Variants in EPB41L2 observed in about 807,000 individuals in gnomAD.
EPB41L2 encodes the protein band 4.1-like protein 2.
EPB41L2 carries 43 observed loss-of-function variants against 113.0 expected under a neutral mutation model. The observed-to-expected ratio is 0.38, with a 90% CI of 0.30 to 0.49. The LOEUF (loss-of-function observed/expected upper bound fraction) is 0.49. EPB41L2 is among the 20% of genes least tolerant of loss of function. The probability of loss-of-function intolerance (pLI) is 0.95; values close to 1 mark genes in which losing one functional copy is unlikely to be tolerated. For missense variants in EPB41L2, 1,147 were observed against 1,223.4 expected (o/e 0.94, Z 0.93); for synonymous variants, 442 against 436.7 (o/e 1.01, Z -0.15).
intron 3 of EPB41L2, among the ~76,000 whole-genome samples, chr6:130,927,613 T>A (rs1282067345): frequency 6.6e-6 from 1 of 152,204 alleles, no homozygotes; most frequent in Admixed American, 6.5e-5. Flanking sequence ...CCTCTCACTA[T>A]CAAAATGTGT....
chr6:130,865,549 G>A lies in EPB41L2; in HGVS notation c.2816C>T (p.Thr939Ile), dbSNP rs1783470094. 3 of 1,614,178 alleles carry A rather than the reference G, an allele frequency of 1.9e-6. No homozygotes were observed. The highest frequency in any genetic ancestry group is 2.5e-6 in the Non-Finnish European group (3 of 1,180,016). The change falls in exon 17 of 20, where the codon ACA (threonine) becomes ATA (isoleucine). Residue 939 changes from threonine (T) to isoleucine (I), a missense_variant. Thr to Ile is a moderately conservative substitution (Grantham distance 89). Transcript: ENST00000337057. ...GCATTGCTTTACCTTGGTGATGTGT[G>A]TGGTTGTCGTTGTTGACACGGACTC... ...TSESVSTTTT[T>I]HITKTVKGGI...
intron 19 of EPB41L2, among the ~76,000 whole-genome samples, chr6:130,841,221 CAAAAA>C (rs113100092): frequency 2.2e-5 from 3 of 139,024 alleles, no homozygotes; most frequent in Non-Finnish European, 4.7e-5. Flanking sequence ...TCTAATTGAC[CAAAAA>C]AAAAAAAAAA....
intron 3 of EPB41L2, among the ~76,000 whole-genome samples, chr6:130,954,040 C>CTTTT (rs780758511): frequency 0.014 from 839 of 58,842 alleles, 56 homozygotes; most frequent in Non-Finnish European, 0.019. Context: ...CCTTTTCTTT[C>CTTTT]TTTTTTTTTT....
chr6:130,865,426 G>A, intron 17 of EPB41L2, 110 bp downstream of exon 17: 2 of 1,060,314 alleles, frequency 1.9e-6, no homozygotes, highest in Non-Finnish European at 2.7e-6. Context: ...GATTCCGCTG[G>A]CACTGTCTGT....
Position 130,871,486 on chromosome 6 carries a change from T to C in EPB41L2, c.2044-1360A>G, listed in dbSNP as rs192503878. 1.5e-3 allele frequency among the ~76,000 whole-genome samples: 221 copies of C among 152,300 alleles called. 2 individuals are homozygous for C. Among genetic ancestry groups the C allele is most frequent in the Admixed American group, 0.012 (181 of 15,298 alleles). ...GTACTAACTGGACTGGAGCCTCTAA[T>C]AGACAGCAGGGCTGAGTTCATCTCT... On this transcript the variant is annotated intron_variant, in intron 14 of 19. Transcript: ENST00000337057.
intron 1 of EPB41L2, among the ~76,000 whole-genome samples, chr6:130,993,066 T>A (rs576308372): frequency 6.6e-6 from 1 of 152,206 alleles, no homozygotes; most frequent in Non-Finnish European, 1.5e-5. Context: ...ATACCAAAGA[T>A]AGCTCCTTAA....
chr6:131,022,813 AT>A (rs558937593), intron 1 of EPB41L2, among the ~76,000 whole-genome samples: 132 of 152,296 alleles, frequency 8.7e-4, no homozygotes, highest in African/African-American at 3.1e-3. Flanking sequence ...TTTTAAAAAT[AT>A]TTTTTAAATG....
chr6:131,026,826 G>T (rs776038715), intron 1 of EPB41L2, among the ~76,000 whole-genome samples: 47 of 152,078 alleles, frequency 3.1e-4, no homozygotes, highest in Non-Finnish European at 6.6e-4. Context: ...GCCCTCTACG[G>T]TATGTGCAAG....
intron 3 of EPB41L2, among the ~76,000 whole-genome samples, chr6:130,943,659 A>T (rs1021533857): frequency 6.6e-6 from 1 of 152,240 alleles, no homozygotes; most frequent in African/African-American, 2.4e-5. Context: ...CAAACAAAGT[A>T]ATCCCCTGGT....
chr6:130,906,936 T>G (rs1797909221), intron 5 of EPB41L2, among the ~76,000 whole-genome samples: 1 of 152,226 alleles, frequency 6.6e-6, no homozygotes, highest in Admixed American at 6.5e-5. Flanking sequence ...GTTACTCATA[T>G]TGCCAAACCA....
chr6:130,843,356 T>C (rs568669848), intron 19 of EPB41L2, among the ~76,000 whole-genome samples: 1 of 152,320 alleles, frequency 6.6e-6, no homozygotes, highest in South Asian at 2.1e-4. Flanking sequence ...ATTTATTACA[T>C]ATTCCAACCA....
At chr6:131,056,349 A>G (rs747248828) in intron 1 of EPB41L2, among the ~76,000 whole-genome samples, 1 of 152,238 alleles carries the variant, frequency 6.6e-6, no homozygotes, top group African/African-American at 2.4e-5. Flanking sequence ...AACATAACAA[A>G]AAAGACTACA....
At chr6:130,951,416 A>G (rs1474085093) in intron 3 of EPB41L2, among the ~76,000 whole-genome samples, 1 of 135,168 alleles carries the variant, frequency 7.4e-6, no homozygotes, top group African/African-American at 2.9e-5. Context: ...CCTCTGCCCC[A>G]TGGAGTCAAG....
chr6:131,015,125 T>G (rs1344149856), intron 1 of EPB41L2, among the ~76,000 whole-genome samples: 1 of 152,214 alleles, frequency 6.6e-6, no homozygotes, highest in Non-Finnish European at 1.5e-5. Flanking sequence ...AACCAGGCTA[T>G]CTTTCATCTC....
chr6:131,062,764 G>A (rs1395532182), intron 1 of EPB41L2, among the ~76,000 whole-genome samples: 2 of 151,922 alleles, frequency 1.3e-5, no homozygotes, highest in Non-Finnish European at 2.9e-5. Flanking sequence ...TGAGCCCACG[G>A]CACCCCGGGG....
Position 130,926,465 on chromosome 6 carries a change from T to C in EPB41L2, c.810+140A>G. 4.6e-6 allele frequency: 3 copies of C among 653,988 alleles called. No individual in the cohort carries two copies. The East Asian group carries it at 8.8e-5, about 19-fold the overall frequency. The allele number at this position is 653,988 out of a possible 1,614,324, so 40.5% of individuals were successfully genotyped here. A position where few individuals can be genotyped will look rare whatever the true frequency, so the allele number is the denominator to read the frequency against. On this transcript the variant is annotated intron_variant, in intron 4 of 19. Coordinates refer to ENST00000337057, the MANE Select transcript of EPB41L2 (RefSeq NM_001431.4). ...GTTTCTCTCTACACAAGATAGTTTTTCAGTATTTACCAAATTTCACAGTGA... is the reference window on the plus strand; with the variant it reads ...GTTTCTCTCTACACAAGATAGTTTTCCAGTATTTACCAAATTTCACAGTGA...
chr6:130,934,130 AC>A (rs1807931502), intron 3 of EPB41L2, among the ~76,000 whole-genome samples: 1 of 152,202 alleles, frequency 6.6e-6, no homozygotes, highest in African/African-American at 2.4e-5. Flanking sequence ...ATAAAACCAT[AC>A]GGAAGAAGAG....
At chr6:130,927,513 C>T (rs187579123) in intron 3 of EPB41L2, among the ~76,000 whole-genome samples, 23 of 152,062 alleles carry the variant, frequency 1.5e-4, no homozygotes, top group Admixed American at 1.3e-3. Flanking sequence ...AGACACACGC[C>T]TCCTCCCCAG....
chr6:131,013,795 T>C (rs1388432788), intron 1 of EPB41L2, among the ~76,000 whole-genome samples: 1 of 152,166 alleles, frequency 6.6e-6, no homozygotes, highest in Admixed American at 6.5e-5. Context: ...AAGGGCCCCA[T>C]ATATTTTGCA....
Sources: allele counts gnomAD v4.1 joint callset (sites outside exome capture counted in the v4.1 genomes callset), GRCh38; gene constraint gnomAD v4.1.1; transcripts MANE v1.5; gene names NCBI Gene and HGNC (gene_info 2026-07-23, HGNC 2026-07-21).